The following RANBP17 variants were observed in gnomAD, a reference collection of about 807,000 sequenced individuals.
RANBP17 encodes the protein RAN binding protein 17, also known as ran-binding protein 17.
A neutral mutation model predicts 141.2 loss-of-function variants in RANBP17; 158 were observed. The ratio of observed to expected loss-of-function variants is 1.12; its 90% CI spans 0.98 to 1.28. RANBP17 has a LOEUF of 1.28. RANBP17 is among the 50% of genes most tolerant of loss of function. The pLI is 0.00. For synonymous variants in RANBP17, 430 were observed against 450.0 expected (o/e 0.96, Z 0.56); for missense variants, 1,438 against 1,290.7 (o/e 1.11, Z -1.75).
At chr5:171,183,769 C>T (rs1014754313) in intron 18 of RANBP17, among the ~76,000 whole-genome samples, 1 of 152,170 alleles carries the variant, frequency 6.6e-6, no homozygotes, top group African/African-American at 2.4e-5. Context: ...AGATTTTCGT[C>T]ATAGTGATGT....
At chr5:170,919,416 T>C in intron 10 of RANBP17, 25 bp from the exon 11 acceptor site, 1 of 1,461,314 alleles carries the variant, frequency 6.8e-7, no homozygotes, top group Non-Finnish European at 9.2e-7. Context: ...ATATTTTAAA[T>C]AACTTCTGCT....
chr5:171,007,162 A>AT (rs1561980844), intron 14 of RANBP17, among the ~76,000 whole-genome samples: 1 of 152,196 alleles, frequency 6.6e-6, no homozygotes, highest in African/African-American at 2.4e-5. Flanking sequence ...ACAGAGTTAG[A>AT]TATCAGAATT....
chr5:171,232,039 A>G (rs1262739890), intron 22 of RANBP17, among the ~76,000 whole-genome samples: 1 of 152,226 alleles, frequency 6.6e-6, no homozygotes, highest in Non-Finnish European at 1.5e-5. Context: ...GGAAATACAA[A>G]TAATACCATG....
intron 14 of RANBP17, among the ~76,000 whole-genome samples, chr5:171,062,374 G>A (rs1561608560): frequency 6.6e-6 from 1 of 152,148 alleles, no homozygotes; most frequent in Admixed American, 6.6e-5. Context: ...AAATCTCTCA[G>A]CATTTGCTTG....
At chr5:170,900,182 G>C (rs1356523817) in intron 5 of RANBP17, among the ~76,000 whole-genome samples, 1 of 152,026 alleles carries the variant, frequency 6.6e-6, no homozygotes, top group Non-Finnish European at 1.5e-5. Flanking sequence ...ACCAATTACT[G>C]CCTTAATTTC....
chr5:171,038,162 TTGTGTGTGTGTG>T (rs61652416), intron 14 of RANBP17, among the ~76,000 whole-genome samples: 2 of 144,840 alleles, frequency 1.4e-5, no homozygotes, highest in Admixed American at 7.0e-5. Flanking sequence ...TTCTTAGGTA[TTGTGTGTGTGTG>T]TGTGTGTGTG....
intron 14 of RANBP17, among the ~76,000 whole-genome samples, chr5:171,018,072 T>C (rs1368089378): frequency 3.9e-5 from 6 of 152,072 alleles, no homozygotes; most frequent in African/African-American, 1.4e-4. Context: ...TGTAGATTTA[T>C]GGTGGTATTT....
intron 3 of RANBP17, among the ~76,000 whole-genome samples, chr5:170,882,936 A>T (rs1336784730): frequency 6.6e-6 from 1 of 152,022 alleles, no homozygotes; most frequent in Non-Finnish European, 1.5e-5. Context: ...TAGATTGTTG[A>T]CTCATTTCTG....
intron 12 of RANBP17, among the ~76,000 whole-genome samples, chr5:170,930,251 A>G (rs963943298): frequency 6.6e-6 from 1 of 151,422 alleles, no homozygotes. Context: ...CAGATCTTTG[A>G]GTTTTAGATT....
chr5:170,894,666 T>C (rs1433840048), intron 4 of RANBP17, among the ~76,000 whole-genome samples: 2 of 151,952 alleles, frequency 1.3e-5, no homozygotes, highest in Non-Finnish European at 2.9e-5. Context: ...GCCTGAACTT[T>C]TGTGCATTCT....
intron 14 of RANBP17, among the ~76,000 whole-genome samples, chr5:171,042,054 C>T (rs934230096): frequency 2.6e-5 from 4 of 152,042 alleles, no homozygotes; most frequent in Admixed American, 6.6e-5. Context: ...CTATCCATGT[C>T]CCTGCAAAGG....
At chr5:171,120,928 G>T (rs958414500) in intron 14 of RANBP17, among the ~76,000 whole-genome samples, 1 of 152,194 alleles carries the variant, frequency 6.6e-6, no homozygotes, top group Non-Finnish European at 1.5e-5. Flanking sequence ...CATATGAATG[G>T]GTTTGTTATG....
intron 14 of RANBP17, among the ~76,000 whole-genome samples, chr5:171,010,346 G>A (rs1261907911): frequency 3.9e-5 from 6 of 152,146 alleles, no homozygotes; most frequent in Non-Finnish European, 8.8e-5. Context: ...AGATCTTCAC[G>A]ATAAAACCAA....
intron 21 of RANBP17, among the ~76,000 whole-genome samples, chr5:171,215,836 T>G (rs1763181401): frequency 6.6e-6 from 1 of 152,158 alleles, no homozygotes; most frequent in South Asian, 2.1e-4. Context: ...TTGCAAAAAT[T>G]TTCTCCCATT....
chr5:170,915,050 T>C (rs1455002945), intron 8 of RANBP17, among the ~76,000 whole-genome samples: 1 of 152,142 alleles, frequency 6.6e-6, no homozygotes, highest in East Asian at 1.9e-4. Flanking sequence ...TTTAAGGTAG[T>C]GCTTTTTAAA....
intron 7 of RANBP17, chr5:170,911,527 TA>T: frequency 1.4e-6 from 1 of 725,852 alleles, no homozygotes; most frequent in Non-Finnish European, 2.6e-6. Flanking sequence ...CAAAATCTGG[TA>T]ATGAAGGTCT....
intron 21 of RANBP17, among the ~76,000 whole-genome samples, chr5:171,221,425 TG>T (rs1763549095): frequency 6.6e-6 from 1 of 152,176 alleles, no homozygotes; most frequent in Non-Finnish European, 1.5e-5. Flanking sequence ...CTTAGACACC[TG>T]GGGTGTTTTA....
intron 14 of RANBP17, among the ~76,000 whole-genome samples, chr5:171,088,402 T>G (rs1291299929): frequency 6.6e-6 from 1 of 152,170 alleles, no homozygotes; most frequent in Non-Finnish European, 1.5e-5. Flanking sequence ...AACATTTTTT[T>G]CTGCATTTCA....
chr5:170,968,308 T>A lies in RANBP17; in HGVS notation c.1641T>A (p.Leu547=). Residue 547 remains leucine, a synonymous_variant, in exon 14 of 28, where the codon CTT becomes CTA. Coordinates refer to ENST00000523189, the MANE Select transcript of RANBP17 (RefSeq NM_022897.5). ...LPRCCNEKIE[L]AILWFLDQFR... ...GATGTTGTAATGAGAAAATAGAGCTTGCAATTCTGTGGTTCTTGGATCAGT... is the reference window on the plus strand; with the variant it reads ...GATGTTGTAATGAGAAAATAGAGCTAGCAATTCTGTGGTTCTTGGATCAGT... 1 of 1,609,292 alleles carries A rather than the reference T, an allele frequency of 6.2e-7. No individual in the cohort carries two copies. The highest frequency in any genetic ancestry group is 8.5e-7 in the Non-Finnish European group (1 of 1,177,600).
Sources: allele counts gnomAD v4.1 joint callset (sites outside exome capture counted in the v4.1 genomes callset), GRCh38; gene constraint gnomAD v4.1.1; transcripts MANE v1.5; gene names NCBI Gene and HGNC (gene_info 2026-07-23, HGNC 2026-07-21).